SGSM1: variants seen among roughly 807,000 people sequenced by gnomAD.
The protein encoded by SGSM1 is RUN and TBC1 domain containing 2.
SGSM1 carries 73 observed loss-of-function variants against 133.8 expected under a neutral mutation model. The observed-to-expected ratio is 0.55, with a 90% CI of 0.45 to 0.66. SGSM1 has a LOEUF of 0.66. Ranked by LOEUF, SGSM1 falls within the 30% of genes least tolerant of loss-of-function variation. The pLI, the probability that SGSM1 is intolerant of heterozygous loss-of-function variation, is 0.00. For synonymous variants in SGSM1, 563 were observed against 573.0 expected (o/e 0.98, Z 0.25); for missense variants, 1,213 against 1,448.1 (o/e 0.84, Z 2.64).
intron 2 of SGSM1, among the ~76,000 whole-genome samples, chr22:24,820,052 A>AC (rs1928373088): frequency 6.6e-6 from 1 of 151,958 alleles, no homozygotes; most frequent in Non-Finnish European, 1.5e-5. Context: ...GTGGGCAGGC[A>AC]CCCAGGAGGA....
intron 24 of SGSM1, among the ~76,000 whole-genome samples, chr22:24,921,479 AG>A (rs769252797): frequency 1.1e-3 from 165 of 152,130 alleles, no homozygotes; most frequent in Non-Finnish European, 2.1e-3. Context: ...ATTAGCATGT[AG>A]GTTATTTTCA....
chr22:24,877,802 C>CTCTT (rs1932099732), intron 13 of SGSM1, among the ~76,000 whole-genome samples: 1 of 75,450 alleles, frequency 1.3e-5, no homozygotes, highest in Non-Finnish European at 2.4e-5. Flanking sequence ...TTCTTTCTTT[C>CTCTT]TTTTTTTTTT....
intron 2 of SGSM1, among the ~76,000 whole-genome samples, chr22:24,817,699 A>G (rs985688867): frequency 7.2e-6 from 1 of 138,520 alleles, no homozygotes; most frequent in African/African-American, 2.4e-5. Flanking sequence ...CCACAACCCA[A>G]ATACCCAAGT....
At chr22:24,807,888 CGTGT>C (rs71189301) in intron 2 of SGSM1, among the ~76,000 whole-genome samples, 5 of 147,764 alleles carry the variant, frequency 3.4e-5, no homozygotes, top group South Asian at 2.2e-4. Flanking sequence ...TATGTGCCTG[CGTGT>C]GTGTGTGTGT....
At chr22:24,848,181 G>A (rs1250110682) in intron 4 of SGSM1, among the ~76,000 whole-genome samples, 1 of 151,502 alleles carries the variant, frequency 6.6e-6, no homozygotes, top group East Asian at 1.9e-4. Context: ...AACTTCATGA[G>A]AGCAGGCAAC....
At chr22:24,814,305 A>G (rs1927937209) in intron 2 of SGSM1, 1 of 152,126 alleles carries the variant, frequency 6.6e-6, no homozygotes, top group South Asian at 2.1e-4. Context: ...AAAAACTAGC[A>G]TATACTGGCA....
intron 18 of SGSM1, among the ~76,000 whole-genome samples, chr22:24,897,009 A>G: frequency 6.6e-6 from 1 of 151,912 alleles, no homozygotes; most frequent in African/African-American, 2.4e-5. Context: ...AAATAAAATT[A>G]GGTACACATG....
intron 14 of SGSM1, among the ~76,000 whole-genome samples, chr22:24,883,656 T>C (rs1011378576): frequency 1.5e-4 from 23 of 152,070 alleles, no homozygotes; most frequent in African/African-American, 5.3e-4. Flanking sequence ...AGTCATGGCG[T>C]TTAGTAAGAT....
At chr22:24,891,059 A>G (rs1270473804) in intron 16 of SGSM1, among the ~76,000 whole-genome samples, 1 of 152,228 alleles carries the variant, frequency 6.6e-6, no homozygotes, top group Non-Finnish European at 1.5e-5. Context: ...TGTTCTAACT[A>G]GATGTTATAG....
intron 3 of SGSM1, among the ~76,000 whole-genome samples, 166 bp from the exon 4 acceptor site, chr22:24,847,468 A>G (rs1930211614): frequency 6.6e-6 from 1 of 152,206 alleles, no homozygotes; most frequent in Non-Finnish European, 1.5e-5. Flanking sequence ...ATAAACATTG[A>G]TTATGCACCT....
intron 2 of SGSM1, among the ~76,000 whole-genome samples, chr22:24,807,543 G>A (rs1164482951): frequency 6.6e-6 from 1 of 151,974 alleles, no homozygotes. Context: ...CTGTGACTCC[G>A]TCTGTGTGCG....
At position 24,837,062 on chromosome 22, in the gene SGSM1, G is replaced by A. The variant is rs1601906255; in HGVS notation, c.64-7835G>A. Among the ~76,000 whole-genome samples the A allele has an allele frequency of 1.3e-5, 2 of 152,308 alleles. 1 individual carries two copies. Among genetic ancestry groups the A allele is most frequent in the South Asian group, 4.1e-4 (2 of 4,820 alleles). On this transcript the variant is annotated intron_variant, in intron 2 of 24. Transcript: ENST00000400358. ...TCCCTGTGTGCGGCAACAAGAGAGTGTAGAAATAAAGACACAAGACAAAGA... is the reference window on the plus strand; with the variant it reads ...TCCCTGTGTGCGGCAACAAGAGAGTATAGAAATAAAGACACAAGACAAAGA...
intron 21 of SGSM1, among the ~76,000 whole-genome samples, chr22:24,906,351 A>G (rs1457673610): frequency 1.3e-5 from 2 of 152,248 alleles, no homozygotes; most frequent in Admixed American, 6.5e-5. Flanking sequence ...CAGGAACAGG[A>G]CAAGTATGTC....
At chr22:24,843,397 A>G in intron 2 of SGSM1, 1 of 153,416 alleles carries the variant, frequency 6.5e-6, no homozygotes. Context: ...GAGAGCAGGC[A>G]GGGAGGGCCT....
intron 2 of SGSM1, among the ~76,000 whole-genome samples, chr22:24,835,003 T>TA (rs1235932271): frequency 6.6e-6 from 1 of 152,132 alleles, no homozygotes; most frequent in African/African-American, 2.4e-5. Context: ...ACTCAAGACA[T>TA]ACGTTATTCT....
chr22:24,840,088 G>A (rs1441013746), intron 2 of SGSM1, among the ~76,000 whole-genome samples: 1 of 151,624 alleles, frequency 6.6e-6, no homozygotes, highest in Non-Finnish European at 1.5e-5. Context: ...GACTACAGGT[G>A]CCCGCCACTA....
At chr22:24,911,308 T>TTTTTG (rs1933611362) in intron 21 of SGSM1, among the ~76,000 whole-genome samples, 1 of 121,888 alleles carries the variant, frequency 8.2e-6, no homozygotes, top group Non-Finnish European at 1.7e-5. Context: ...TTTTTTTTTT[T>TTTTTG]GAGATGGAGT....
At chr22:24,913,944 C>T (rs1358139794) in intron 22 of SGSM1, among the ~76,000 whole-genome samples, 1 of 151,766 alleles carries the variant, frequency 6.6e-6, no homozygotes, top group Non-Finnish European at 1.5e-5. Flanking sequence ...ATCACGAGGT[C>T]AGGAGATCGA....
Position 24,917,760 on chromosome 22 carries a change from G to A in SGSM1, c.3025+6G>A, listed in dbSNP as rs757742969. On this transcript the variant is annotated splice_donor_region_variant and intron_variant, in intron 23 of 24. Coordinates refer to ENST00000400358, the MANE Select transcript of SGSM1 (RefSeq NM_001098497.3). ...CCTGCTGGATTTCAAGCGAGGTACA[G>A]ACTTTAAATTGGGGACCTGTGTCCA... The A allele has an allele frequency of 1.1e-5, 18 of 1,611,874 alleles. No homozygotes were observed. In the East Asian group the frequency reaches 3.3e-4, roughly 30 times the overall value.
Sources: allele counts gnomAD v4.1 joint callset (sites outside exome capture counted in the v4.1 genomes callset), GRCh38; gene constraint gnomAD v4.1.1; transcripts MANE v1.5; gene names NCBI Gene and HGNC (gene_info 2026-07-23, HGNC 2026-07-21).